Variants in TFB1M observed in about 807,000 individuals in gnomAD.
TFB1M encodes the protein transcription factor B1, mitochondrial.
In TFB1M, 27 loss-of-function variants were observed where a neutral mutation model predicts 31.1. The ratio of observed to expected loss-of-function variants is 0.87; its 90% CI spans 0.64 to 1.20. TFB1M has a LOEUF of 1.20. Ranked by LOEUF, TFB1M falls within the 50% of genes most tolerant of loss-of-function variation. TFB1M has a pLI of 0.00. For missense variants in TFB1M, 394 were observed against 418.7 expected (o/e 0.94, Z 0.51); for synonymous variants, 166 against 151.8 (o/e 1.09, Z -0.69).
the TFB1M span, chr6:155,250,509 C>T: frequency 8.5e-6 from 13 of 1,527,672 alleles, no homozygotes; most frequent in East Asian, 3.2e-4. Context: ...TCACTCTGGC[C>T]AGTTTCAATG....
chr6:155,281,237 T>C (rs543293182), intron 5 of TFB1M, among the ~76,000 whole-genome samples: 15 of 152,334 alleles, frequency 9.8e-5, no homozygotes, highest in African/African-American at 3.6e-4. Context: ...GGTGGTATTA[T>C]TGGTCAAATC....
At chr6:155,252,023 T>C (rs759116572), downstream of TFB1M, 2 of 1,569,980 alleles carry the variant, frequency 1.3e-6, no homozygotes, top group Non-Finnish European at 1.7e-6. Flanking sequence ...AAATTCATTT[T>C]AATTTAAGCT....
chr6:155,307,318 T>G (rs1174309721), intron 2 of TFB1M, among the ~76,000 whole-genome samples: 3 of 152,052 alleles, frequency 2.0e-5, no homozygotes, highest in Non-Finnish European at 4.4e-5. Flanking sequence ...ACTGGGCAAT[T>G]TACAAAAGAG....
At chr6:155,266,574 C>T (rs977150005) in intron 5 of TFB1M, among the ~76,000 whole-genome samples, 1 of 152,050 alleles carries the variant, frequency 6.6e-6, no homozygotes, top group East Asian at 1.9e-4. Flanking sequence ...AGGCTGGGCG[C>T]TGTGGCTCAC....
the TFB1M span, among the ~76,000 whole-genome samples, chr6:155,247,241 G>A: frequency 1.3e-5 from 2 of 152,202 alleles, no homozygotes; most frequent in South Asian, 2.1e-4. Context: ...ACTAGAGTGA[G>A]GCCAGTGGGA....
At chr6:155,291,450 G>T (rs1423029855) in intron 4 of TFB1M, among the ~76,000 whole-genome samples, 2 of 152,180 alleles carry the variant, frequency 1.3e-5, no homozygotes, top group Non-Finnish European at 2.9e-5. Context: ...TTCATGAAGA[G>T]GAAATGACAA....
intron 5 of TFB1M, among the ~76,000 whole-genome samples, chr6:155,269,611 C>A (rs1784834130): frequency 6.6e-6 from 1 of 152,136 alleles, no homozygotes; most frequent in Non-Finnish European, 1.5e-5. Flanking sequence ...TGTGAGCCAC[C>A]ACGCCCGGCC....
chr6:155,254,669 T>TGTAA (rs1783888863), downstream of TFB1M: 5 of 1,466,978 alleles, frequency 3.4e-6, no homozygotes, highest in Admixed American at 1.9e-5. Flanking sequence ...CTTTTCACTT[T>TGTAA]GTAAGTCATC....
At chr6:155,269,911 G>T (rs569017897) in intron 5 of TFB1M, among the ~76,000 whole-genome samples, 3 of 152,314 alleles carry the variant, frequency 2.0e-5, no homozygotes, top group African/African-American at 7.2e-5. Flanking sequence ...CCTACTATGT[G>T]CCAGGCACTG....
At chr6:155,248,101 G>C in the TFB1M span, 1 of 1,614,194 alleles carries the variant, frequency 6.2e-7, no homozygotes, top group South Asian at 1.1e-5. Flanking sequence ...GGTTCAGAGA[G>C]TGCTCAAGTA....
At chr6:155,311,866 G>A (rs1405901923) in intron 1 of TFB1M, among the ~76,000 whole-genome samples, 3 of 152,126 alleles carry the variant, frequency 2.0e-5, no homozygotes, top group African/African-American at 7.2e-5. Flanking sequence ...TTCTTAGATC[G>A]TAAGATTTTC....
At chr6:155,252,071 T>G, downstream of TFB1M, 1 of 1,320,780 alleles carries the variant, frequency 7.6e-7, no homozygotes, top group Non-Finnish European at 1.1e-6. Flanking sequence ...AACGTTGAAC[T>G]GAAAAGCCCA....
At chr6:155,297,417 G>A (rs917433837) in intron 3 of TFB1M, among the ~76,000 whole-genome samples, 4 of 152,146 alleles carry the variant, frequency 2.6e-5, no homozygotes, top group African/African-American at 9.7e-5. Flanking sequence ...GACATGATGA[G>A]GTTAAAGTGC....
chr6:155,302,855 T>A (rs914072136), intron 2 of TFB1M, among the ~76,000 whole-genome samples: 1 of 152,164 alleles, frequency 6.6e-6, no homozygotes, highest in Non-Finnish European at 1.5e-5. Flanking sequence ...CAGTTCAGCA[T>A]GGCTGGGGAG....
chr6:155,313,082 T>C (rs1778090831), intron 1 of TFB1M: 2 of 152,064 alleles, frequency 1.3e-5, no homozygotes, highest in Non-Finnish European at 2.9e-5. Context: ...ACCCTGTCTT[T>C]ACTAAAAACA....
Position 155,276,187 on chromosome 6 carries a change from C to T in TFB1M, c.666+8971G>A, listed in dbSNP as rs1425265333. The T allele has an allele frequency of 6.2e-6, 10 of 1,614,068 alleles. No individual in the cohort carries two copies. In the African/African-American group the frequency reaches 9.3e-5, roughly 15 times the overall value. ...TGGATCTGACAGTTCCAGAAAGCAA[C>T]AAACATGAACCTGGAGGAGCTATCT... is the stretch of plus-strand genomic sequence containing the variant. On this transcript the variant is annotated intron_variant, in intron 5 of 6. Coordinates refer to ENST00000367166, the MANE Select transcript of TFB1M (RefSeq NM_016020.4).
At chr6:155,306,778 T>A (rs1362610418) in intron 2 of TFB1M, among the ~76,000 whole-genome samples, 1 of 151,982 alleles carries the variant, frequency 6.6e-6, no homozygotes, top group African/African-American at 2.4e-5. Flanking sequence ...GGACGATGAG[T>A]GTTTATTTTC....
intron 5 of TFB1M, among the ~76,000 whole-genome samples, chr6:155,266,970 C>CTTTT (rs375412255): frequency 1.6e-4 from 21 of 127,366 alleles, no homozygotes; most frequent in African/African-American, 5.9e-4. Context: ...ACTTTGCTGC[C>CTTTT]TTTTTTTTTT....
At chr6:155,292,312 A>T (rs1776964826) in intron 4 of TFB1M, among the ~76,000 whole-genome samples, 2 of 152,056 alleles carry the variant, frequency 1.3e-5, no homozygotes, top group African/African-American at 4.8e-5. Context: ...GGAACAGGAG[A>T]GGGAGAGAGA....
Sources: allele counts gnomAD v4.1 joint callset (sites outside exome capture counted in the v4.1 genomes callset), GRCh38; gene constraint gnomAD v4.1.1; transcripts MANE v1.5; gene names NCBI Gene and HGNC (gene_info 2026-07-23, HGNC 2026-07-21).